Variants in AP3D1 observed in about 807,000 individuals in gnomAD.
AP3D1 encodes AP-3 complex subunit delta-1.
Under a neutral mutation model 147.6 loss-of-function variants are expected in AP3D1, and 51 were observed. The ratio of observed to expected loss-of-function variants is 0.35; its 90% confidence interval spans 0.28 to 0.44. AP3D1 has a LOEUF of 0.44. AP3D1 is among the 20% of genes least tolerant of loss of function. The pLI is 1.00. For missense variants in AP3D1, 1,421 were observed against 1,624.2 expected (o/e 0.87, Z 2.15); for synonymous variants, 760 against 663.0 (o/e 1.15, Z -2.25).
chr19:2,111,599 T>C (rs2018278580), intron 25 of AP3D1, 80 bp downstream of exon 25: 1 of 1,471,962 alleles, frequency 6.8e-7, no homozygotes, highest in African/African-American at 1.4e-5. Flanking sequence ...CTCTCCCGCA[T>C]GGAGGCTGCA....
At chr19:2,118,487 CTCAG>C in intron 15 of AP3D1, 110 bp downstream of exon 15, 2 of 1,041,594 alleles carry the variant, frequency 1.9e-6, no homozygotes, top group Non-Finnish European at 2.7e-6. Context: ...ACAAAAGAAT[CTCAG>C]TGAGTGGCTT....
chr19:2,161,556 G>T (rs1269212155), intron 1 of AP3D1, among the ~76,000 whole-genome samples: 1 of 152,050 alleles, frequency 6.6e-6, no homozygotes, highest in African/African-American at 2.4e-5. Context: ...AAATAAGTAT[G>T]TAGAGATGAA....
In AP3D1 at chr19:2,102,951, AAAAT is replaced by A. The variant is rs1025907280; in HGVS notation, c.3553-687_3553-684del. 2.2e-4 allele frequency among the ~76,000 whole-genome samples: 34 copies of A among 151,416 alleles called. 2 individuals are homozygous for A. The highest frequency in any genetic ancestry group is 8.4e-4 in the South Asian group (4 of 4,786). On this transcript the variant is annotated intron_variant, in intron 31 of 31. Coordinates refer to ENST00000643116, the MANE Select transcript of AP3D1 (RefSeq NM_001261826.3). ...GCAACAAGAGCAAAACTCCATCTCAAAAATAAATAAATAAAAGTACATGCAGGCC... is the reference window on the plus strand; with the variant it reads ...GCAACAAGAGCAAAACTCCATCTCAAAAATAAATAAAAGTACATGCAGGCC...
chr19:2,107,401 G>C (rs1031131038), intron 31 of AP3D1, among the ~76,000 whole-genome samples: 3 of 152,082 alleles, frequency 2.0e-5, no homozygotes, highest in African/African-American at 7.2e-5. Context: ...TGCTCCCAGA[G>C]GGCACTGGAA....
chr19:2,154,155 C>T (rs181527682), upstream of AP3D1, among the ~76,000 whole-genome samples: 1,022 of 152,172 alleles, frequency 6.7e-3, 9 homozygotes, highest in Non-Finnish European at 8.0e-3. Context: ...ACCATGTTGG[C>T]CAGGCTGGCC....
chr19:2,129,502 A>G lies in AP3D1; in HGVS notation c.593-45T>C, dbSNP rs765118161. The G allele has an allele frequency of 5.7e-5, 90 of 1,590,802 alleles. No individual in the cohort carries two copies. In the South Asian group the frequency reaches 9.2e-4, roughly 16 times the overall value. On this transcript the variant is annotated intron_variant, in intron 6 of 31. Transcript: ENST00000643116. ...CATCAGCATGCCTGTCCTTCCACCTAGAAAACCATCCTACTGTCTTCCTGG... is the reference window on the plus strand; with the variant it reads ...CATCAGCATGCCTGTCCTTCCACCTGGAAAACCATCCTACTGTCTTCCTGG...
chr19:2,103,801 A>C (rs1325906892), intron 31 of AP3D1, among the ~76,000 whole-genome samples: 1 of 152,174 alleles, frequency 6.6e-6, no homozygotes, highest in Non-Finnish European at 1.5e-5. Flanking sequence ...ATCCACTCAT[A>C]CAGAGAGGCC....
chr19:2,125,223 C>T (rs1170817707), intron 9 of AP3D1, among the ~76,000 whole-genome samples: 3 of 152,084 alleles, frequency 2.0e-5, no homozygotes, highest in East Asian at 3.8e-4. Flanking sequence ...TAAATACGAA[C>T]GAAGAAATGT....
chr19:2,152,605 C>T (rs1332948868), upstream of AP3D1, among the ~76,000 whole-genome samples: 2 of 145,802 alleles, frequency 1.4e-5, no homozygotes, highest in African/African-American at 2.5e-5. Flanking sequence ...GGGCCAGGCG[C>T]GGTGGCTCAC....
In AP3D1 at chr19:2,127,316, GC is replaced by G; in HGVS notation, c.807-116del. On this transcript the variant is annotated intron_variant, in intron 8 of 31. Transcript: ENST00000643116. ...CTCCGCCCCACGGCTCAGGGAGTGTGCCCCAGGAGGGAGCCCGTGCCTTGCT... is the reference window on the plus strand; with the variant it reads ...CTCCGCCCCACGGCTCAGGGAGTGTGCCCAGGAGGGAGCCCGTGCCTTGCT... 11 of 1,126,612 alleles carry G rather than the reference GC, an allele frequency of 9.8e-6. 1 individual carries two copies. Among genetic ancestry groups the G allele is most frequent in the Middle Eastern group, 3.9e-4 (2 of 5,076 alleles). The allele number at this position is 1,126,612 out of a possible 1,614,324, so 69.8% of individuals were successfully genotyped here. A position where few individuals can be genotyped will look rare whatever the true frequency, so the allele number is the denominator to read the frequency against.
chr19:2,132,346 C>G, intron 5 of AP3D1, 125 bp downstream of exon 5: 2 of 768,266 alleles, frequency 2.6e-6, no homozygotes, highest in Non-Finnish European at 4.3e-6. Context: ...GTTCCCATTT[C>G]AGGCAGGCCA....
At chr19:2,128,593 C>A (rs1198320595) in intron 8 of AP3D1, among the ~76,000 whole-genome samples, 1,146 of 25,592 alleles carry the variant, frequency 0.045, 308 homozygotes, top group Non-Finnish European at 0.065. Context: ...CCGCCCCCGC[C>A]GCTCCGACAC....
chr19:2,120,505 C>T lies in AP3D1; in HGVS notation c.1481+357G>A, dbSNP rs181300517. Among the ~76,000 whole-genome samples the T allele has an allele frequency of 3.2e-3, 490 of 152,326 alleles. 1 individual carries two copies. The highest frequency in any genetic ancestry group is 4.4e-3 in the Admixed American group (68 of 15,308). ...AGCAAACAGGGCTCAGAAGGGCTGC[C>T]ACGCGCCCAGCTGGAACTGAGCCTT... On this transcript the variant is annotated intron_variant, in intron 14 of 31. Coordinates refer to ENST00000643116, the MANE Select transcript of AP3D1 (RefSeq NM_001261826.3).
intron 11 of AP3D1, 52 bp downstream of exon 11, chr19:2,123,306 T>A (rs2018660673): frequency 1.3e-6 from 2 of 1,578,490 alleles, no homozygotes; most frequent in Admixed American, 3.5e-5. Context: ...GACCCCTAAC[T>A]TCACAGAGCT....
intron 1 of AP3D1, among the ~76,000 whole-genome samples, chr19:2,141,773 T>A (rs2019226234): frequency 1.3e-5 from 2 of 151,204 alleles, no homozygotes; most frequent in African/African-American, 4.9e-5. Flanking sequence ...AGGGTCTTCC[T>A]CTATTGCACA....
At chr19:2,158,531 C>T (rs540509099) in intron 1 of AP3D1, among the ~76,000 whole-genome samples, 35 of 151,590 alleles carry the variant, frequency 2.3e-4, no homozygotes, top group Non-Finnish European at 4.4e-4. Context: ...TGATCTAGAA[C>T]TCCTGGCCTC....
At chr19:2,111,161 C>T (rs1568276977) in intron 26 of AP3D1, 124 bp downstream of exon 26, 1 of 1,280,822 alleles carries the variant, frequency 7.8e-7, no homozygotes, top group South Asian at 1.4e-5. Flanking sequence ...ACGCCCCTGC[C>T]AGGAATCACA....
At chr19:2,104,244 A>AC (rs1174434166) in intron 31 of AP3D1, among the ~76,000 whole-genome samples, 1 of 151,060 alleles carries the variant, frequency 6.6e-6, no homozygotes, top group Non-Finnish European at 1.5e-5. Context: ...CGAAACCCAG[A>AC]CCCCAACACC....
intron 9 of AP3D1, among the ~76,000 whole-genome samples, chr19:2,124,214 A>G (rs745549796): frequency 6.6e-6 from 1 of 152,254 alleles, no homozygotes; most frequent in Non-Finnish European, 1.5e-5. Context: ...CCACAGGACC[A>G]GACCCTGTAG....
Sources: gnomAD v4.1 joint callset for allele counts (sites outside exome capture counted in the v4.1 genomes callset) on GRCh38, gnomAD v4.1.1 for gene constraint, MANE v1.5 for transcripts, NCBI Gene and HGNC (gene_info 2026-07-23, HGNC 2026-07-21) for gene names.